Variants in GPR37 observed in about 807,000 individuals in gnomAD.
GPR37 encodes G protein-coupled receptor 37, also known as prosaposin receptor GPR37.
Under a neutral mutation model 43.6 loss-of-function variants are expected in GPR37, and 20 were observed. The observed-to-expected ratio is 0.46, with a 90% CI of 0.32 to 0.67. The LOEUF (loss-of-function observed/expected upper bound fraction) is 0.67. Among genes scored for constraint, GPR37 ranks in the 30% least tolerant of loss-of-function variants. GPR37 has a pLI of 0.03. For missense variants in GPR37, 724 were observed against 797.2 expected (o/e 0.91, Z 1.11); for synonymous variants, 315 against 322.6 (o/e 0.98, Z 0.25).
chr7:124,761,306 T>C (rs543908701), intron 1 of GPR37, among the ~76,000 whole-genome samples: 14 of 152,234 alleles, frequency 9.2e-5, no homozygotes, highest in Admixed American at 9.2e-4. Context: ...TCTCTAGGAA[T>C]TGCCCTTGAC....
chr7:124,747,227 AGTT>A lies in GPR37; in HGVS notation c.1137_1139del (p.Thr380del). On this transcript the variant is annotated inframe_deletion, in exon 2 of 2. Transcript: ENST00000303921. Reference sequence around the variant, plus strand: ...CCACCCATATAACAGCAAGTTTGGCAGTTGTTGAGGAACAGTTTTCGATCATTT... The same window carrying A: ...CCACCCATATAACAGCAAGTTTGGCAGTTGAGGAACAGTTTTCGATCATTT... 1 of 1,613,894 alleles carries A rather than the reference AGTT, an allele frequency of 6.2e-7. No individual in the cohort carries two copies.
At chr7:124,757,388 A>G (rs1226973144) in intron 1 of GPR37, among the ~76,000 whole-genome samples, 1 of 152,250 alleles carries the variant, frequency 6.6e-6, no homozygotes, top group Non-Finnish European at 1.5e-5. Flanking sequence ...CATATTTTAA[A>G]AGAAATTTCT....
At chr7:124,756,744 A>G (rs1793795965) in intron 1 of GPR37, among the ~76,000 whole-genome samples, 1 of 152,224 alleles carries the variant, frequency 6.6e-6, no homozygotes, top group Admixed American at 6.5e-5. Flanking sequence ...ACTGCACTGC[A>G]TAGCTGCCTT....
Position 124,744,141 on chromosome 7 carries a change from A to G in GPR37, c.*2384T>C, listed in dbSNP as rs528436804. Reference sequence around the variant, plus strand: ...AAAGGCAAGTATAAATGAAAAAAGAAATTTAAGTTCCTGCTGCCTCCATTG... The same window carrying G: ...AAAGGCAAGTATAAATGAAAAAAGAGATTTAAGTTCCTGCTGCCTCCATTG... On this transcript the variant is annotated 3_prime_UTR_variant, in exon 2 of 2. Coordinates refer to ENST00000303921, the MANE Select transcript of GPR37 (RefSeq NM_005302.5). 1 of 152,202 alleles carries G rather than the reference A, an allele frequency of 6.6e-6. No individual in the cohort carries two copies. Among genetic ancestry groups the G allele is most frequent in the Admixed American group, 6.5e-5 (1 of 15,286 alleles). 9.4% of individuals were successfully genotyped at this position (152,202 alleles called of 1,614,324 possible).
chr7:124,746,723 G>C lies in GPR37; in HGVS notation c.1644C>G (p.Leu548=), dbSNP rs771955298. Residue 548 remains leucine, a synonymous_variant, in exon 2 of 2, where the codon CTC becomes CTG. Transcript: ENST00000303921. ...LFFKSCVTPV[L]LFCLCKPFSR... is the part of the protein sequence containing the mutation. ...TGAAGGGTTTGCAGAGACAGAAAAG[G>C]AGGACTGGGGTGACACAGGACTTAA... 12 of 1,613,850 alleles carry C rather than the reference G, an allele frequency of 7.4e-6. No homozygotes were observed. The South Asian group carries it at 1.3e-4, about 18-fold the overall frequency.
intron 1 of GPR37, among the ~76,000 whole-genome samples, chr7:124,749,338 T>C (rs1793707188): frequency 6.6e-6 from 1 of 152,058 alleles, no homozygotes; most frequent in Non-Finnish European, 1.5e-5. Flanking sequence ...AACTTGAATA[T>C]AAGCTTTTGC....
At position 124,745,744 on chromosome 7, in the gene GPR37, A is replaced by T. The variant is rs918167213; in HGVS notation, c.*781T>A. Among the ~76,000 whole-genome samples, 22 of 152,116 alleles carry T rather than the reference A, an allele frequency of 1.4e-4. No homozygotes were observed. The highest frequency in any genetic ancestry group is 1.5e-4 in the Non-Finnish European group (10 of 68,014). On this transcript the variant is annotated 3_prime_UTR_variant, in exon 2 of 2. Coordinates refer to ENST00000303921, the MANE Select transcript of GPR37 (RefSeq NM_005302.5). ...GCTCTATGTGCTAGTTCAGAGGTGA[A>T]TTTTTTAAAAAAGAAACTTTCTTCC...
intron 1 of GPR37, among the ~76,000 whole-genome samples, chr7:124,761,956 G>C (rs1793856394): frequency 6.6e-6 from 1 of 151,900 alleles, no homozygotes; most frequent in Non-Finnish European, 1.5e-5. Flanking sequence ...GATTCTCTAA[G>C]AAAAATAAAT....
intron 1 of GPR37, among the ~76,000 whole-genome samples, chr7:124,757,587 A>T (rs1793805230): frequency 6.6e-6 from 1 of 152,208 alleles, no homozygotes; most frequent in African/African-American, 2.4e-5. Context: ...ACTGAAAAGA[A>T]TTAGAGGGAG....
Position 124,745,740 on chromosome 7 carries a change from G to A in GPR37, c.*785C>T, listed in dbSNP as rs1793663267. On this transcript the variant is annotated 3_prime_UTR_variant, in exon 2 of 2. Transcript: ENST00000303921. ...TGTAGCTCTATGTGCTAGTTCAGAGGTGAATTTTTTAAAAAAGAAACTTTC... is the reference window on the plus strand; with the variant it reads ...TGTAGCTCTATGTGCTAGTTCAGAGATGAATTTTTTAAAAAAGAAACTTTC... Among the ~76,000 whole-genome samples, 1 of 152,046 alleles carries A rather than the reference G, an allele frequency of 6.6e-6. No individual in the cohort carries two copies. The highest frequency in any genetic ancestry group is 2.1e-4 in the South Asian group (1 of 4,832).
chr7:124,747,300 C>A lies in GPR37; in HGVS notation c.1067G>T (p.Cys356Phe). 1 of 1,613,484 alleles carries A rather than the reference C, an allele frequency of 6.2e-7. No individual in the cohort carries two copies. Among genetic ancestry groups the A allele is most frequent in the South Asian group, 1.1e-5 (1 of 91,018 alleles). The part of the protein sequence containing the change: ...GVTTFTLCAL[C>F]IDRFRAATNV... ...GGTGGCAGCACGGAAGCGGTCTATGCACAGAGCACATAAGGTGAAAGTGGT... is the reference window on the plus strand; with the variant it reads ...GGTGGCAGCACGGAAGCGGTCTATGAACAGAGCACATAAGGTGAAAGTGGT... Residue 356 changes from cysteine (C) to phenylalanine (F), a missense_variant, in exon 2 of 2, where the codon TGC becomes TTC. Coordinates refer to ENST00000303921, the MANE Select transcript of GPR37 (RefSeq NM_005302.5).
At chr7:124,753,576 A>G (rs1202937829) in intron 1 of GPR37, among the ~76,000 whole-genome samples, 1 of 152,066 alleles carries the variant, frequency 6.6e-6, no homozygotes, top group Non-Finnish European at 1.5e-5. Context: ...AGTATGGAGG[A>G]TTTTGAAAAT....
intron 1 of GPR37, among the ~76,000 whole-genome samples, chr7:124,760,731 AT>A (rs761423962): frequency 6.6e-6 from 1 of 152,232 alleles, no homozygotes. Flanking sequence ...AACATGAAGC[AT>A]TGAGACCAAG....
chr7:124,746,837 G>A lies in GPR37; in HGVS notation c.1530C>T (p.Ile510=). The A allele has an allele frequency of 6.2e-7, 1 of 1,614,066 alleles. No homozygotes were observed. Among genetic ancestry groups the A allele is most frequent in the African/African-American group, 1.3e-5 (1 of 75,036 alleles). ...CCATGTAGGCAGTAACAATGTTGCAGATATTTTCAGGAATAATGCAAAATC... is the reference window on the plus strand; with the variant it reads ...CCATGTAGGCAGTAACAATGTTGCAAATATTTTCAGGAATAATGCAAAATC... ...LYGFCIIPEN[I]CNIVTAYMAT... The change falls in exon 2 of 2, where the codon ATC becomes ATT. Residue 510 remains isoleucine, a synonymous_variant. Transcript: ENST00000303921.
intron 1 of GPR37, among the ~76,000 whole-genome samples, chr7:124,762,496 GA>G (rs1047709398): frequency 3.5e-5 from 5 of 144,132 alleles, no homozygotes; most frequent in African/African-American, 1.3e-4. Context: ...AAAAAAAAAA[GA>G]AAAAAAGAAA....
At chr7:124,763,672 C>A (rs187548176) in intron 1 of GPR37, among the ~76,000 whole-genome samples, 1 of 151,880 alleles carries the variant, frequency 6.6e-6, no homozygotes, top group Non-Finnish European at 1.5e-5. Flanking sequence ...ACGCATAACA[C>A]CATATTCAGG....
chr7:124,758,642 C>T (rs572781015), intron 1 of GPR37, among the ~76,000 whole-genome samples: 2 of 152,188 alleles, frequency 1.3e-5, no homozygotes, highest in Non-Finnish European at 2.9e-5. Flanking sequence ...ATGAAAGAGC[C>T]ATTTGTTCCA....
chr7:124,758,382 C>T lies in GPR37; in HGVS notation c.1023+5572G>A, dbSNP rs1389064487. ...ATTCTCATATATTGAGCACATTTTC[C>T]CTAAGAATACTATTAGTAACTTTAA... is the stretch of plus-strand genomic sequence containing the variant. On this transcript the variant is annotated intron_variant, in intron 1 of 1. Coordinates refer to ENST00000303921, the MANE Select transcript of GPR37 (RefSeq NM_005302.5). 2.0e-5 allele frequency among the ~76,000 whole-genome samples: 3 copies of T among 152,108 alleles called. No individual in the cohort carries two copies. In the East Asian group the frequency reaches 5.8e-4, roughly 29 times the overall value.
intron 1 of GPR37, among the ~76,000 whole-genome samples, chr7:124,761,221 CAA>C (rs991878523): frequency 2.0e-5 from 3 of 151,738 alleles, no homozygotes; most frequent in South Asian, 2.1e-4. Flanking sequence ...CAGCTCCCTC[CAA>C]AGTCCTTCAA....
Sources: gnomAD v4.1 joint callset for allele counts (sites outside exome capture counted in the v4.1 genomes callset) on GRCh38, gnomAD v4.1.1 for gene constraint, MANE v1.5 for transcripts, NCBI Gene and HGNC (gene_info 2026-07-23, HGNC 2026-07-21) for gene names.